UNC13B: variants seen among roughly 807,000 people sequenced by gnomAD.
The protein encoded by UNC13B is protein unc-13 homolog B.
A neutral mutation model predicts 211.0 loss-of-function variants in UNC13B; 144 were observed. The ratio of observed to expected loss-of-function variants is 0.68; its 90% CI spans 0.60 to 0.78. The LOEUF (loss-of-function observed/expected upper bound fraction) is 0.78. Among genes scored for constraint, UNC13B ranks in the 30% least tolerant of loss-of-function variants. The probability of loss-of-function intolerance (pLI) is 0.00; values close to 1 mark genes in which losing one functional copy is unlikely to be tolerated. For missense variants in UNC13B, 1,777 were observed against 2,002.0 expected (o/e 0.89, Z 2.14); for synonymous variants, 709 against 725.8 (o/e 0.98, Z 0.37).
intron 11 of UNC13B, among the ~76,000 whole-genome samples, chr9:35,332,218 A>G (rs10814228): frequency 0.36 from 54,692 of 151,992 alleles, 10,349 homozygotes; most frequent in African/African-American, 0.47. Flanking sequence ...CCAAAGTGCC[A>G]GGGTTACAGG....
intron 11 of UNC13B, among the ~76,000 whole-genome samples, chr9:35,355,368 T>C (rs1832962450): frequency 6.6e-6 from 1 of 152,234 alleles, no homozygotes; most frequent in African/African-American, 2.4e-5. Flanking sequence ...TTGAATCATA[T>C]GAATATAATA....
At chr9:35,210,669 A>G (rs1214729172) in intron 1 of UNC13B, among the ~76,000 whole-genome samples, 1 of 151,488 alleles carries the variant, frequency 6.6e-6, no homozygotes, top group Non-Finnish European at 1.5e-5. Flanking sequence ...GACTACAGGC[A>G]TGTGCCACCA....
At chr9:35,333,186 T>G (rs1441498480) in intron 11 of UNC13B, among the ~76,000 whole-genome samples, 1 of 151,968 alleles carries the variant, frequency 6.6e-6, no homozygotes, top group African/African-American at 2.4e-5. Flanking sequence ...AAATACAGAG[T>G]AGAGAAAATG....
intron 6 of UNC13B, among the ~76,000 whole-genome samples, chr9:35,246,823 TG>T (rs1441695837): frequency 3.3e-5 from 5 of 152,220 alleles, no homozygotes; most frequent in African/African-American, 1.2e-4. Context: ...AGGATTGACT[TG>T]GCAATGTGGG....
intron 11 of UNC13B, among the ~76,000 whole-genome samples, chr9:35,362,420 AG>A (rs1173185957): frequency 1.3e-5 from 2 of 152,216 alleles, no homozygotes; most frequent in Non-Finnish European, 2.9e-5. Flanking sequence ...AGGTATCTGA[AG>A]GTTAGGTATA....
At chr9:35,364,665 A>G (rs1192566386) in intron 11 of UNC13B, 4 of 1,282,464 alleles carry the variant, frequency 3.1e-6, no homozygotes, top group Middle Eastern at 2.2e-4. Flanking sequence ...GTGTGTGTGT[A>G]CATGCACATG....
intron 7 of UNC13B, among the ~76,000 whole-genome samples, chr9:35,289,760 G>A (rs995146624): frequency 6.6e-6 from 1 of 151,930 alleles, no homozygotes; most frequent in Non-Finnish European, 1.5e-5. Context: ...GTGGATCACT[G>A]GAGGTTAGGA....
intron 24 of UNC13B, among the ~76,000 whole-genome samples, chr9:35,389,553 G>A (rs1835394556): frequency 6.6e-6 from 1 of 152,152 alleles, no homozygotes; most frequent in Admixed American, 6.5e-5. Context: ...GAGTTACTCT[G>A]CCCATAGCAA....
intron 26 of UNC13B, among the ~76,000 whole-genome samples, chr9:35,395,497 C>T (rs1365477365): frequency 6.6e-6 from 1 of 152,204 alleles, no homozygotes; most frequent in Non-Finnish European, 1.5e-5. Context: ...AGGAGCATCA[C>T]CCATGGCAAC....
intron 11 of UNC13B, among the ~76,000 whole-genome samples, chr9:35,334,894 C>T (rs1476389729): frequency 2.0e-5 from 3 of 152,058 alleles, no homozygotes; most frequent in South Asian, 2.1e-4. Flanking sequence ...AAAAATTATC[C>T]GGGCTTGGTG....
chr9:35,188,551 A>C (rs4111860), intron 1 of UNC13B, among the ~76,000 whole-genome samples: 149,747 of 152,280 alleles, frequency 0.98, 73,676 homozygotes, highest in East Asian at 1. Context: ...GCCAAATAAT[A>C]CTGTGTACCT....
chr9:35,364,522 T>A (rs1833645292), intron 11 of UNC13B: 2 of 1,536,038 alleles, frequency 1.3e-6, no homozygotes, highest in Middle Eastern at 1.7e-4. Context: ...CTGCCCTTTT[T>A]TCTGCTCTTT....
At chr9:35,240,875 GA>G (rs1825765887) in intron 5 of UNC13B, among the ~76,000 whole-genome samples, 1 of 151,916 alleles carries the variant, frequency 6.6e-6, no homozygotes, top group South Asian at 2.1e-4. Flanking sequence ...CCAACATGGT[GA>G]AACCCCATTT....
intron 11 of UNC13B, chr9:35,352,743 G>T: frequency 8.1e-7 from 1 of 1,232,208 alleles, no homozygotes; most frequent in Non-Finnish European, 1.0e-6. Context: ...CAAGTTATCA[G>T]TGGCAGCTGT....
chr9:35,255,267 C>A (rs1019094820), intron 6 of UNC13B, among the ~76,000 whole-genome samples: 1 of 150,102 alleles, frequency 6.7e-6, no homozygotes, highest in Non-Finnish European at 1.5e-5. Context: ...ATTTTTTAGA[C>A]GTTTTAGATT....
In UNC13B at chr9:35,245,985, T is replaced by C. The variant is rs758395990; in HGVS notation, c.468+2621T>C. ...CCCACCAACAGTGTAAAAGTGTTCC[T>C]ATTTCTCCACATCCTCTCCAGCACC... On this transcript the variant is annotated intron_variant, in intron 6 of 39. Transcript: ENST00000635942. Among the ~76,000 whole-genome samples, 127 of 152,330 alleles carry C rather than the reference T, an allele frequency of 8.3e-4. No homozygotes were observed. In the Middle Eastern group the frequency reaches 0.01, roughly 12 times the overall value.
intron 1 of UNC13B, among the ~76,000 whole-genome samples, chr9:35,202,936 G>A (rs1823401420): frequency 6.6e-6 from 1 of 152,014 alleles, no homozygotes; most frequent in African/African-American, 2.4e-5. Context: ...GGGACAACAG[G>A]CGCCTGCCAA....
chr9:35,173,863 T>C (rs552466260), intron 1 of UNC13B, among the ~76,000 whole-genome samples: 13 of 152,360 alleles, frequency 8.5e-5, no homozygotes, highest in African/African-American at 3.1e-4. Flanking sequence ...GCTCCAACGC[T>C]GTGAGTTGTC....
chr9:35,194,977 A>T (rs1037001346), intron 1 of UNC13B, among the ~76,000 whole-genome samples: 4 of 152,170 alleles, frequency 2.6e-5, no homozygotes, highest in Admixed American at 6.5e-5. Flanking sequence ...CGGATTTTAT[A>T]GTCTTAAGGA....
Sources: gnomAD v4.1 joint callset for allele counts (sites outside exome capture counted in the v4.1 genomes callset) on GRCh38, gnomAD v4.1.1 for gene constraint, MANE v1.5 for transcripts, NCBI Gene and HGNC (gene_info 2026-07-23, HGNC 2026-07-21) for gene names.